CDC16: variants seen among roughly 807,000 people sequenced by gnomAD.
The protein encoded by CDC16 is cell division cycle 16, also known as cell division cycle protein 16 homolog.
Under a neutral mutation model 87.0 loss-of-function variants are expected in CDC16, and 34 were observed. The ratio of observed to expected loss-of-function variants is 0.39; its 90% confidence interval spans 0.30 to 0.52. The LOEUF is 0.52. Among genes scored for constraint, CDC16 ranks in the 20% least tolerant of loss-of-function variants. The probability of loss-of-function intolerance (pLI) is 0.74; values close to 1 mark genes in which losing one functional copy is unlikely to be tolerated. For missense variants in CDC16, 653 were observed against 751.9 expected, an observed-to-expected ratio of 0.87 and a Z score of 1.54; for synonymous variants, 263 against 260.6, an observed-to-expected ratio of 1.01 and a Z score of -0.09.
At chr13:114,270,923 T>G (rs866293587) in intron 17 of CDC16, among the ~76,000 whole-genome samples, 13 of 137,878 alleles carry the variant, frequency 9.4e-5, no homozygotes, top group African/African-American at 3.9e-4. Context: ...CCTTTTTTTT[T>G]TTTTTTTTTT....
At chr13:114,240,531 A>G (rs957012003) in intron 5 of CDC16, among the ~76,000 whole-genome samples, 5 of 151,932 alleles carry the variant, frequency 3.3e-5, no homozygotes, top group Non-Finnish European at 5.9e-5. Context: ...TTTTTTAAAA[A>G]ATGTTTTGTA....
rs17338159 is a variant in CDC16, at chr13:114,257,947, C to T, written c.1250+717C>T. On this transcript the variant is annotated intron_variant, in intron 13 of 17. Transcript: ENST00000356221. ...GATTACAGATGCCCACCACCACGCCCGGCTAATTTTTGTATTTTTAGTAGA... is the reference window on the plus strand; with the variant it reads ...GATTACAGATGCCCACCACCACGCCTGGCTAATTTTTGTATTTTTAGTAGA... Among the ~76,000 whole-genome samples, 1,321 of 152,034 alleles carry T rather than the reference C, an allele frequency of 8.7e-3. 15 individuals carry two copies. Among genetic ancestry groups the T allele is most frequent in the African/African-American group, 0.03 (1,224 of 41,466 alleles).
intron 11 of CDC16, among the ~76,000 whole-genome samples, chr13:114,247,884 T>A (rs573990934): frequency 2.6e-5 from 4 of 151,812 alleles, no homozygotes; most frequent in African/African-American, 4.9e-5. Context: ...CTCAAAAAAA[T>A]AATAATAATA....
At position 114,257,205 on chromosome 13, in the gene CDC16, G is replaced by C. The variant is rs747813467; in HGVS notation, c.1225G>C (p.Gly409Arg). Residue 409 changes from glycine to arginine, a missense_variant, in exon 13 of 18, where the codon GGC becomes CGC. By Grantham distance (125) the Gly-to-Arg change is moderately radical. Coordinates refer to ENST00000356221, the MANE Select transcript of CDC16 (RefSeq NM_001078645.3). ...AGACCCTTTTGTTATGCATGAGGTC[G>C]GCGTGGTTGCATTTCAGAATGGAGA... ...PEDPFVMHEVGVVAFQNGEWK... is the reference protein window; with the variant it reads ...PEDPFVMHEVRVVAFQNGEWK... The C allele has an allele frequency of 4.3e-6, 7 of 1,611,080 alleles. No individual in the cohort carries two copies. The highest frequency in any genetic ancestry group is 5.9e-6 in the Non-Finnish European group (7 of 1,177,976).
At position 114,242,089 on chromosome 13, in the gene CDC16, A is replaced by C. The variant is rs984095854; in HGVS notation, c.382-32A>C. On this transcript the variant is annotated intron_variant, in intron 5 of 17. Transcript: ENST00000356221. ...AAAAAAGTTAAGTTTAAAAGTACTGACTTAATATGTGACTCATCATTTTTC... is the reference window on the plus strand; with the variant it reads ...AAAAAAGTTAAGTTTAAAAGTACTGCCTTAATATGTGACTCATCATTTTTC... 13 of 1,574,090 alleles carry C rather than the reference A, an allele frequency of 8.3e-6. No individual in the cohort carries two copies. The East Asian group carries it at 9.0e-5, about 11-fold the overall frequency.
At chr13:114,266,485 A>G (rs958306746) in intron 17 of CDC16, among the ~76,000 whole-genome samples, 1 of 152,216 alleles carries the variant, frequency 6.6e-6, no homozygotes, top group Non-Finnish European at 1.5e-5. Flanking sequence ...TAGGCTCCAC[A>G]GCTCACTCTC....
rs560994926 is a variant in CDC16, at chr13:114,240,317, C to T, written c.381+827C>T. On this transcript the variant is annotated intron_variant, in intron 5 of 17. Transcript: ENST00000356221. ...CTCAACCTCCCAAGCTCAAGTGATT[C>T]TCCCACCTCAGCCTCCCGAGTAGCT... is the stretch of plus-strand genomic sequence containing the variant. 2.0e-5 allele frequency among the ~76,000 whole-genome samples: 3 copies of T among 152,212 alleles called. No homozygotes were observed. The East Asian group carries it at 5.8e-4, about 29-fold the overall frequency.
chr13:114,250,594 C>T lies in CDC16; in HGVS notation c.1017C>T (p.Ala339=). The change falls in exon 12 of 18, where the codon GCC becomes GCT. Residue 339 remains alanine (A), a synonymous_variant. Coordinates refer to ENST00000356221, the MANE Select transcript of CDC16 (RefSeq NM_001078645.3). ...AAACCTATGGACCTGCATGGATAGC[C>T]TATGGACATTCATTTGCGGTGGAGA... ...LEKTYGPAWI[A]YGHSFAVESE... 1 of 1,613,998 alleles carries T rather than the reference C, an allele frequency of 6.2e-7. No homozygotes were observed. The highest frequency in any genetic ancestry group is 8.5e-7 in the Non-Finnish European group (1 of 1,179,938).
Position 114,239,438 on chromosome 13 carries a change from A to G in CDC16, c.329A>G (p.Asp110Gly). ...NKRLFEKYLK[D>G]ESGFKDPSSD... ...AGATTATTTGAAAAATACTTGAAGGACGAAAGTGGCTTCAAAGATCCTTCC... is the reference window on the plus strand; with the variant it reads ...AGATTATTTGAAAAATACTTGAAGGGCGAAAGTGGCTTCAAAGATCCTTCC... Residue 110 changes from aspartate (D) to glycine (G), a missense_variant, in exon 5 of 18, where the codon GAC (aspartate) becomes GGC (glycine). Transcript: ENST00000356221. The G allele has an allele frequency of 6.2e-7, 1 of 1,613,432 alleles. No homozygotes were observed. The highest frequency in any genetic ancestry group is 8.5e-7 in the Non-Finnish European group (1 of 1,179,456).
Position 114,234,949 on chromosome 13 carries a change from T to A in CDC16, c.-136T>A, listed in dbSNP as rs1208007787. 3.7e-6 allele frequency: 2 copies of A among 545,648 alleles called. No individual in the cohort carries two copies. Among genetic ancestry groups the A allele is most frequent in the Admixed American group, 4.6e-5 (1 of 21,908 alleles). 33.8% of individuals were successfully genotyped at this position (545,648 alleles called of 1,614,324 possible). ...GGGTGTGGGTGGGGACCTGCGGCCT[T>A]CGAGTCCGCGGCCTTCGAGTCCTGG... On this transcript the variant is annotated 5_prime_UTR_variant, in exon 1 of 18. Transcript: ENST00000356221.
rs182945253 is a variant in CDC16, at chr13:114,251,970, C to T, written c.1097+1296C>T. On this transcript the variant is annotated intron_variant, in intron 12 of 17. Transcript: ENST00000356221. ...CTAGCCCTGTTGGATAAGAGCCCTA[C>T]ACTAGCCCTGTTGGATAAGAGCCCT... 5.3e-3 allele frequency among the ~76,000 whole-genome samples: 799 copies of T among 150,022 alleles called. 5 individuals are homozygous for T. Among genetic ancestry groups the T allele is most frequent in the African/African-American group, 0.019 (764 of 39,634 alleles).
chr13:114,264,276 G>C (rs922632165), intron 16 of CDC16: 1 of 152,424 alleles, frequency 6.6e-6, no homozygotes, highest in African/African-American at 2.4e-5. Context: ...AGCTGGGCGC[G>C]GTGGCTCACG....
chr13:114,240,211 C>CT (rs60218043), intron 5 of CDC16, among the ~76,000 whole-genome samples: 15 of 148,990 alleles, frequency 1.0e-4, no homozygotes, highest in African/African-American at 2.0e-4. Context: ...CTTCCCACAT[C>CT]TTTTTTTTTT....
At chr13:114,260,340 A>G (rs2082762072) in intron 14 of CDC16, among the ~76,000 whole-genome samples, 1 of 152,218 alleles carries the variant, frequency 6.6e-6, no homozygotes, top group Non-Finnish European at 1.5e-5. Context: ...AGTCTTGGGT[A>G]GTTCTGGATA....
chr13:114,258,153 A>G (rs993238069), intron 13 of CDC16, among the ~76,000 whole-genome samples: 1 of 152,246 alleles, frequency 6.6e-6, no homozygotes, highest in African/African-American at 2.4e-5. Context: ...TGGGTTATCT[A>G]GGTATTTTTT....
chr13:114,265,128 C>T (rs747325020), intron 16 of CDC16, 22 bp from the exon 17 acceptor site: 8 of 1,493,580 alleles, frequency 5.4e-6, no homozygotes, highest in Non-Finnish European at 7.5e-6. Flanking sequence ...TTTTAATAAC[C>T]ATGCTGAATC....
chr13:114,236,681 G>A lies in CDC16; in HGVS notation c.85G>A (p.Val29Ile). 3.7e-6 allele frequency: 6 copies of A among 1,612,864 alleles called. No individual in the cohort carries two copies. Among genetic ancestry groups the A allele is most frequent in the Middle Eastern group, 3.4e-4 (2 of 5,968 alleles). Residue 29 changes from valine (V) to isoleucine (I), a missense_variant, in exon 2 of 18, where the codon GTA becomes ATA. Physicochemically the swap from Val to Ile is conservative, Grantham distance 29 (BLOSUM62 3). Transcript: ENST00000356221. Reference protein sequence around the residue: ...YQSALFWADKVASLSREEPQD... With the variant: ...YQSALFWADKIASLSREEPQD... ...AAGTGCTCTATTTTGGGCAGATAAA[G>A]TAGCTTCACTCTCTCGTGGTAAGTG...
chr13:114,262,937 G>T lies in CDC16; in HGVS notation c.1435G>T (p.Ala479Ser), dbSNP rs2082942244. 3 of 1,613,532 alleles carry T rather than the reference G, an allele frequency of 1.9e-6. No homozygotes were observed. Among genetic ancestry groups the T allele is most frequent in the Admixed American group, 1.7e-5 (1 of 60,018 alleles). The change falls in exon 16 of 18, where the codon GCA becomes TCA. Residue 479 changes from alanine (A) to serine (S), a missense_variant. Coordinates refer to ENST00000356221, the MANE Select transcript of CDC16 (RefSeq NM_001078645.3). ...GGCACTGGTGTTGATTCCTCAGAAC[G>T]CATCCACCTACTCTGCTATTGGATA... ...RQALVLIPQN[A>S]STYSAIGYIH...
At chr13:114,260,982 G>A (rs547065339) in intron 14 of CDC16, among the ~76,000 whole-genome samples, 3 of 152,286 alleles carry the variant, frequency 2.0e-5, no homozygotes, top group Admixed American at 6.5e-5. Context: ...ACTGGCGAAT[G>A]TAAGTACGTA....
Sources: gnomAD v4.1 joint callset for allele counts (sites outside exome capture counted in the v4.1 genomes callset) on GRCh38, gnomAD v4.1.1 for gene constraint, MANE v1.5 for transcripts, NCBI Gene and HGNC (gene_info 2026-07-23, HGNC 2026-07-21) for gene names.